The following LURAP1 variants were observed in gnomAD, a reference collection of about 807,000 sequenced individuals.
LURAP1 encodes the protein leucine rich adaptor protein 1, also known as NF-kappa-B activator C1orf190.
In LURAP1, 14 loss-of-function variants were observed where a neutral mutation model predicts 19.0. The observed-to-expected ratio is 0.74, with a 90% confidence interval of 0.49 to 1.15. The LOEUF (loss-of-function observed/expected upper bound fraction) is 1.15, where lower values mean the gene tolerates loss of function less well. LURAP1 is among the 50% of genes most tolerant of loss of function. The probability of loss-of-function intolerance (pLI) is 0.00; values close to 1 mark genes in which losing one functional copy is unlikely to be tolerated. For missense variants in LURAP1, 273 were observed against 309.1 expected (o/e 0.88, Z 0.87); for synonymous variants, 129 against 131.8 (o/e 0.98, Z 0.14).
At chr1:46,213,031 G>C (rs1246439291) in intron 1 of LURAP1, among the ~76,000 whole-genome samples, 1 of 152,026 alleles carries the variant, frequency 6.6e-6, no homozygotes, top group Non-Finnish European at 1.5e-5. Flanking sequence ...TTCCCAAAGT[G>C]CTGGGATTAC....
chr1:46,212,105 T>C (rs1658915440), intron 1 of LURAP1, among the ~76,000 whole-genome samples: 1 of 152,132 alleles, frequency 6.6e-6, no homozygotes, highest in Non-Finnish European at 1.5e-5. Flanking sequence ...TGGTTTATCA[T>C]AGATGTGAAT....
chr1:46,203,740 T>A, intron 1 of LURAP1, 116 bp downstream of exon 1: 1 of 971,986 alleles, frequency 1.0e-6, no homozygotes, highest in Non-Finnish European at 1.5e-6. Context: ...TCCACCTAAC[T>A]GCTCAGAATC....
intron 1 of LURAP1, among the ~76,000 whole-genome samples, chr1:46,206,249 T>G (rs1658710427): frequency 6.6e-6 from 1 of 152,218 alleles, no homozygotes; most frequent in Admixed American, 6.5e-5. Context: ...TCTCCTGGCC[T>G]CAGTTTTTCC....
Position 46,220,301 on chromosome 1 carries a change from C to A in LURAP1, c.*81C>A. On this transcript the variant is annotated 3_prime_UTR_variant, in exon 2 of 2. Transcript: ENST00000371980. ...CCCCCAAAATTGATTCTCCCTCAGT[C>A]TGAGACTAGGAAGAGGCTGCACTGA... 1 of 1,419,992 alleles carries A rather than the reference C, an allele frequency of 7.0e-7. No individual in the cohort carries two copies. Among genetic ancestry groups the A allele is most frequent in the Non-Finnish European group, 9.5e-7 (1 of 1,054,708 alleles). 88.0% of individuals were successfully genotyped at this position (1,419,992 alleles called of 1,614,324 possible).
intron 1 of LURAP1, among the ~76,000 whole-genome samples, chr1:46,211,456 C>T (rs1296625314): frequency 7.2e-5 from 11 of 151,810 alleles, no homozygotes; most frequent in Non-Finnish European, 1.2e-4. Context: ...CACACACACA[C>T]ACACACACAC....
intron 1 of LURAP1, among the ~76,000 whole-genome samples, chr1:46,206,400 T>C (rs924060882): frequency 1.3e-5 from 2 of 152,008 alleles, no homozygotes; most frequent in African/African-American, 4.8e-5. Context: ...TAGGGCCTGA[T>C]TTATATTGAG....
intron 1 of LURAP1, among the ~76,000 whole-genome samples, chr1:46,204,023 C>T (rs1476471274): frequency 6.6e-6 from 1 of 152,116 alleles, no homozygotes; most frequent in African/African-American, 2.4e-5. Context: ...TTCTGCTAAC[C>T]GGGAAAGGGT....
intron 1 of LURAP1, among the ~76,000 whole-genome samples, chr1:46,207,333 G>T (rs1658747515): frequency 6.6e-6 from 1 of 152,050 alleles, no homozygotes; most frequent in African/African-American, 2.4e-5. Flanking sequence ...TTCTGCCTCA[G>T]CCTCCCAAAG....
chr1:46,217,121 A>G (rs1252100620), intron 1 of LURAP1, among the ~76,000 whole-genome samples: 1 of 152,214 alleles, frequency 6.6e-6, no homozygotes, highest in Non-Finnish European at 1.5e-5. Flanking sequence ...TATGGAATCT[A>G]AGAAACGAGG....
At chr1:46,206,680 G>A (rs1397642119) in intron 1 of LURAP1, among the ~76,000 whole-genome samples, 1 of 152,154 alleles carries the variant, frequency 6.6e-6, no homozygotes, top group Non-Finnish European at 1.5e-5. Flanking sequence ...ACTGCCACAG[G>A]ATTATAGAAT....
At chr1:46,214,214 C>T (rs1355628050) in intron 1 of LURAP1, among the ~76,000 whole-genome samples, 7 of 151,988 alleles carry the variant, frequency 4.6e-5, no homozygotes, top group South Asian at 2.1e-4. Context: ...GTTGTGGTAG[C>T]GGGCACCTGT....
intron 1 of LURAP1, 95 bp from the exon 2 acceptor site, chr1:46,219,604 A>G (rs1292607299): frequency 3.7e-6 from 5 of 1,344,040 alleles, no homozygotes; most frequent in Non-Finnish European, 5.0e-6. Flanking sequence ...TTAAAGTGAA[A>G]CATGGTTGGC....
chr1:46,204,904 T>C (rs1275651366), intron 1 of LURAP1, among the ~76,000 whole-genome samples: 1 of 152,246 alleles, frequency 6.6e-6, no homozygotes, highest in Non-Finnish European at 1.5e-5. Flanking sequence ...CTGAGCACTT[T>C]ACATGATGCT....
rs1447717478 is a variant in LURAP1 at position 46,220,419 on chromosome 1, T to C, written c.*199T>C. The C allele has an allele frequency of 1.7e-6, 1 of 580,452 alleles. No individual in the cohort carries two copies. Among genetic ancestry groups the C allele is most frequent in the Non-Finnish European group, 3.0e-6 (1 of 337,698 alleles). The allele number at this position is 580,452 out of a possible 1,614,324, so 36.0% of individuals were successfully genotyped here. On this transcript the variant is annotated 3_prime_UTR_variant, in exon 2 of 2. Transcript: ENST00000371980. ...CAATTATTGGGTCCCTAGAGCTAGCTTGCTCTTTCTTTCTTTCTTTCTTTT... is the reference window on the plus strand; with the variant it reads ...CAATTATTGGGTCCCTAGAGCTAGCCTGCTCTTTCTTTCTTTCTTTCTTTT...
At chr1:46,212,308 T>C (rs1198764111) in intron 1 of LURAP1, among the ~76,000 whole-genome samples, 1 of 150,232 alleles carries the variant, frequency 6.7e-6, no homozygotes, top group Non-Finnish European at 1.5e-5. Flanking sequence ...TGAGACGGAG[T>C]CTTGCTATGT....
intron 1 of LURAP1, among the ~76,000 whole-genome samples, chr1:46,218,533 C>G (rs1012189760): frequency 2.0e-5 from 3 of 152,190 alleles, no homozygotes; most frequent in Admixed American, 2.0e-4. Context: ...ATGCCAGTTG[C>G]TAAAATGTTT....
chr1:46,205,368 G>A (rs1276933667), intron 1 of LURAP1, among the ~76,000 whole-genome samples: 2 of 152,104 alleles, frequency 1.3e-5, no homozygotes, highest in African/African-American at 2.4e-5. Flanking sequence ...CCAACATCAC[G>A]CAAAAAGCAG....
At chr1:46,213,617 G>A (rs1658972190) in intron 1 of LURAP1, among the ~76,000 whole-genome samples, 1 of 152,078 alleles carries the variant, frequency 6.6e-6, no homozygotes. Flanking sequence ...ACAGCACTCT[G>A]GGAGGCTGAG....
At chr1:46,216,410 T>C (rs1659072571) in intron 1 of LURAP1, among the ~76,000 whole-genome samples, 1 of 152,030 alleles carries the variant, frequency 6.6e-6, no homozygotes, top group Non-Finnish European at 1.5e-5. Context: ...GGCACCACCA[T>C]GGATCACTGC....
Sources: allele counts gnomAD v4.1 joint callset (sites outside exome capture counted in the v4.1 genomes callset), GRCh38; gene constraint gnomAD v4.1.1; transcripts MANE v1.5; gene names NCBI Gene and HGNC (gene_info 2026-07-23, HGNC 2026-07-21).